Variants in TRIO observed in about 807,000 individuals in gnomAD.
The protein encoded by TRIO is trio Rho guanine nucleotide exchange factor.
In TRIO, 58 loss-of-function variants were observed where a neutral mutation model predicts 351.9. That is an observed-to-expected ratio of 0.16 (90% CI 0.13 to 0.21). The LOEUF (loss-of-function observed/expected upper bound fraction) is 0.21. TRIO is among the 10% of genes least tolerant of loss of function. The pLI, the probability that TRIO is intolerant of heterozygous loss-of-function variation, is 1.00. For missense variants in TRIO, 3,201 were observed against 4,027.8 expected, an observed-to-expected ratio of 0.79 and a Z score of 5.56; for synonymous variants, 1,758 against 1,595.7, an observed-to-expected ratio of 1.10 and a Z score of -2.42.
At chr5:14,403,296 T>G (rs1239202935) in intron 31 of TRIO, among the ~76,000 whole-genome samples, 3 of 131,064 alleles carry the variant, frequency 2.3e-5, no homozygotes, top group East Asian at 2.3e-4. Flanking sequence ...TAGGTTGTGG[T>G]GGTGAGGGTG....
rs1754772776 is a variant in TRIO, at chr5:14,472,638, G to A, written c.5959G>A (p.Asp1987Asn). 3 of 1,614,064 alleles carry A rather than the reference G, an allele frequency of 1.9e-6. No individual in the cohort carries two copies. The highest frequency in any genetic ancestry group is 1.1e-5 in the South Asian group (1 of 91,076). Residue 1987 changes from aspartate to asparagine, a missense_variant, in exon 39 of 57, where the codon GAC (aspartate) becomes AAC (asparagine). Asp to Asn is a conservative substitution (Grantham distance 23). Coordinates refer to ENST00000344204, the MANE Select transcript of TRIO (RefSeq NM_007118.4). ...GGAGACAGAGCGTGACTATGTGCGG[G>A]ACCTTGGCTATGTGGTTGAGGTGTG... The part of the protein sequence containing the change: ...LVETERDYVR[D>N]LGYVVEGYMA...
At chr5:14,345,340 A>G (rs1478743533) in intron 11 of TRIO, among the ~76,000 whole-genome samples, 2 of 152,144 alleles carry the variant, frequency 1.3e-5, no homozygotes, top group Non-Finnish European at 2.9e-5. Flanking sequence ...GCAGTTTTTC[A>G]GTAGGGATTG....
intron 7 of TRIO, among the ~76,000 whole-genome samples, chr5:14,301,339 C>G (rs1737863594): frequency 6.6e-6 from 1 of 152,096 alleles, no homozygotes; most frequent in Admixed American, 6.5e-5. Flanking sequence ...TCTGAACTGA[C>G]AGAGCAACAT....
At chr5:14,451,210 G>T (rs1752826438) in intron 34 of TRIO, among the ~76,000 whole-genome samples, 1 of 152,130 alleles carries the variant, frequency 6.6e-6, no homozygotes, top group Non-Finnish European at 1.5e-5. Context: ...TAATCACTGT[G>T]TAAGATGCAG....
At chr5:14,446,574 G>A (rs2126393896) in intron 34 of TRIO, among the ~76,000 whole-genome samples, 1 of 152,278 alleles carries the variant, frequency 6.6e-6, no homozygotes, top group Non-Finnish European at 1.5e-5. Context: ...AATGCTTTGT[G>A]TGCTTGGGAG....
chr5:14,382,024 T>G (rs576301975), intron 21 of TRIO, among the ~76,000 whole-genome samples: 1 of 152,314 alleles, frequency 6.6e-6, no homozygotes, highest in South Asian at 2.1e-4. Context: ...CCTGTGGGGT[T>G]GTTGTTTTTC....
At chr5:14,399,382 T>C (rs1358136815) in intron 30 of TRIO, 5 of 404,858 alleles carry the variant, frequency 1.2e-5, no homozygotes, top group African/African-American at 4.0e-5. Flanking sequence ...GCTTTATAAA[T>C]AAAATAATCA....
chr5:14,420,077 C>T, intron 34 of TRIO, 56 bp downstream of exon 34: 1 of 1,582,492 alleles, frequency 6.3e-7, no homozygotes, highest in Non-Finnish European at 8.6e-7. Context: ...CCCTGGAGCG[C>T]TCTGTCTCCG....
At chr5:14,383,243 G>C (rs1317663793) in intron 21 of TRIO, among the ~76,000 whole-genome samples, 1 of 152,144 alleles carries the variant, frequency 6.6e-6, no homozygotes, top group Admixed American at 6.5e-5. Context: ...AATATTGTTT[G>C]ATTATAAAGG....
intron 1 of TRIO, among the ~76,000 whole-genome samples, chr5:14,198,841 A>G (rs1372474787): frequency 1.3e-5 from 2 of 152,228 alleles, no homozygotes; most frequent in Non-Finnish European, 2.9e-5. Context: ...AGAGAGTTTT[A>G]AAAATTATTC....
rs1184150098 is a variant in TRIO, at chr5:14,406,597, A to G, written c.4884A>G (p.Gln1628=). 12 of 1,613,986 alleles carry G rather than the reference A, an allele frequency of 7.4e-6. No individual in the cohort carries two copies. Among genetic ancestry groups the G allele is most frequent in the Non-Finnish European group, 1.0e-5 (12 of 1,179,974 alleles). Residue 1628 remains glutamine, a synonymous_variant, in exon 33 of 57, where the codon CAA becomes CAG. Transcript: ENST00000344204. ...GGGATGGAGAGGATCTGGACAGCCA[A>G]GGAGACGGCAGCAGCCAGCCTGATA... The part of the protein sequence containing the change: ...GRRDGEDLDS[Q]GDGSSQPDTI...
At chr5:14,314,383 TCATATATATAAAACTATTGTGAATA>T (rs1739196806) in intron 8 of TRIO, among the ~76,000 whole-genome samples, 1 of 152,238 alleles carries the variant, frequency 6.6e-6, no homozygotes, top group African/African-American at 2.4e-5. Flanking sequence ...CAGATGCTGG[TCATATATATAAAACTATTGTGAATA>T]TAGCAACTAC....
In TRIO at chr5:14,487,736, T is replaced by C; in HGVS notation, c.7108T>C (p.Ser2370Pro). The change falls in exon 48 of 57, where the codon TCC (serine) becomes CCC (proline). Residue 2370 changes from serine to proline, a missense_variant. Coordinates refer to ENST00000344204, the MANE Select transcript of TRIO (RefSeq NM_007118.4). Reference protein sequence around the residue: ...QAEADKMSGTSTPGPSLPPPG... With the variant: ...QAEADKMSGTPTPGPSLPPPG... ...AGAGGCAGACAAGATGTCAGGTACG[T>C]CCACCCCCGGGCCCTCCCTGCCTCC... The C allele has an allele frequency of 7.0e-7, 1 of 1,427,380 alleles. No individual in the cohort carries two copies. Among genetic ancestry groups the C allele is most frequent in the Non-Finnish European group, 9.2e-7 (1 of 1,082,344 alleles). 88.4% of individuals were successfully genotyped at this position (1,427,380 alleles called of 1,614,324 possible).
intron 9 of TRIO, among the ~76,000 whole-genome samples, chr5:14,323,272 TCCAGG>T (rs1032603621): frequency 1.3e-5 from 2 of 152,130 alleles, no homozygotes; most frequent in African/African-American, 4.8e-5. Context: ...CCCCTCATTT[TCCAGG>T]TAATAAAAGC....
chr5:14,296,965 A>G (rs751887594), intron 6 of TRIO, 107 bp from the exon 7 acceptor site: 44 of 838,670 alleles, frequency 5.2e-5, no homozygotes, highest in Non-Finnish European at 7.0e-5. Context: ...GAGAGATGTG[A>G]TCACTGTTAG....
intron 33 of TRIO, 75 bp downstream of exon 33, chr5:14,406,747 G>T: frequency 7.1e-7 from 1 of 1,417,442 alleles, no homozygotes; most frequent in African/African-American, 1.4e-5. Flanking sequence ...CCTCCTTTCT[G>T]TTACTCACAG....
chr5:14,206,924 A>G (rs945521817), intron 1 of TRIO, among the ~76,000 whole-genome samples: 1 of 152,190 alleles, frequency 6.6e-6, no homozygotes, highest in Non-Finnish European at 1.5e-5. Flanking sequence ...TCATTTTGCA[A>G]TGCAGTTTTA....
chr5:14,502,258 TAAAC>T (rs886455950), intron 53 of TRIO, among the ~76,000 whole-genome samples: 1 of 152,218 alleles, frequency 6.6e-6, no homozygotes, highest in Non-Finnish European at 1.5e-5. Flanking sequence ...ATTTTTCTAG[TAAAC>T]ACATTTTAAA....
intron 10 of TRIO, among the ~76,000 whole-genome samples, chr5:14,332,494 A>C (rs550551350): frequency 3.3e-5 from 5 of 152,338 alleles, no homozygotes; most frequent in African/African-American, 1.2e-4. Flanking sequence ...CAGCCGTTAG[A>C]GCATGCATAT....
Sources: allele counts gnomAD v4.1 joint callset (sites outside exome capture counted in the v4.1 genomes callset), GRCh38; gene constraint gnomAD v4.1.1; transcripts MANE v1.5; gene names NCBI Gene and HGNC (gene_info 2026-07-23, HGNC 2026-07-21).